TTN: variants seen among roughly 807,000 people sequenced by gnomAD.
TTN encodes titin, also known as connectin.
In TTN, 1,525 loss-of-function variants were observed where a neutral mutation model predicts 3,223.0. That is an observed-to-expected ratio of 0.47 (90% CI 0.45 to 0.49). The LOEUF is 0.49. Among genes scored for constraint, TTN ranks in the 20% least tolerant of loss-of-function variants. The probability of loss-of-function intolerance (pLI) is 0.00; values close to 1 mark genes in which losing one functional copy is unlikely to be tolerated. For missense variants in TTN, 40,786 were observed against 43,424.0 expected (o/e 0.94, Z 5.40); for synonymous variants, 14,094 against 15,161.0 (o/e 0.93, Z 5.17).
Position 178,589,372 on chromosome 2 carries a change from C to A in TTN, c.62353G>T (p.Asp20785Tyr). Residue 20785 changes from aspartate to tyrosine, a missense_variant, in exon 304 of 363, where the codon GAC becomes TAC. Coordinates refer to ENST00000589042, the MANE Select transcript of TTN (RefSeq NM_001267550.2). ...ACCCCTGCCTCAAGCCTAATGGTGT[C>A]CCCTGCTTTGACAGTTAGGACCCCA... ...LSGVLTVKAG[D>Y]TIRLEAGVRG... The A allele has an allele frequency of 6.2e-7, 1 of 1,613,416 alleles. No homozygotes were observed. The highest frequency in any genetic ancestry group is 8.5e-7 in the Non-Finnish European group (1 of 1,179,624).
intron 162 of TTN, 74 bp from the exon 163 acceptor site, chr2:178,666,975 G>T (rs770092605): frequency 7.4e-6 from 8 of 1,082,220 alleles, no homozygotes; most frequent in African/African-American, 3.2e-5. Context: ...AAGAAAGTTA[G>T]ATATGTTAAT....
At chr2:178,594,976 T>G (rs956240890) in intron 295 of TTN, among the ~76,000 whole-genome samples, 3 of 151,714 alleles carry the variant, frequency 2.0e-5, no homozygotes, top group Admixed American at 6.6e-5. Context: ...ATCTGTGAGG[T>G]ATAGATGGAA....
intron 282 of TTN, among the ~76,000 whole-genome samples, chr2:178,603,166 T>C (rs1208501025): frequency 6.6e-6 from 1 of 151,990 alleles, no homozygotes; most frequent in Non-Finnish European, 1.5e-5. Flanking sequence ...TATAGATCCT[T>C]GCACAAAGCA....
In TTN at chr2:178,563,676, T is replaced by G; in HGVS notation, c.82456A>C (p.Met27486Leu). 6.2e-7 allele frequency: 1 copy of G among 1,613,786 alleles called. No individual in the cohort carries two copies. The highest frequency in any genetic ancestry group is 1.1e-5 in the South Asian group (1 of 91,084). Residue 27486 changes from methionine (M) to leucine (L), a missense_variant, in exon 326 of 363, where the codon ATG (methionine) becomes CTG (leucine). Transcript: ENST00000589042. This position sits in a 1 kb window ranked among gnomAD's most constrained non-coding sequence, Gnocchi z 4.5. Reference protein sequence around the residue: ...PEVSAITKDSMVVTWARPVDD... With the variant: ...PEVSAITKDSLVVTWARPVDD... ...ACTGGGCGTGCCCATGTTACTACCATAGAATCTTTGGTGATTGCTGAGACT... is the reference window on the plus strand; with the variant it reads ...ACTGGGCGTGCCCATGTTACTACCAGAGAATCTTTGGTGATTGCTGAGACT...
chr2:178,806,072 ATCT>A (rs2094304521), intron 1 of TTN, among the ~76,000 whole-genome samples: 1 of 152,200 alleles, frequency 6.6e-6, no homozygotes, highest in Non-Finnish European at 1.5e-5. Context: ...TGGAGCAATA[ATCT>A]TCTTAGTGAT....
In TTN at chr2:178,579,273, T is replaced by G; in HGVS notation, c.67757A>C (p.Lys22586Thr). The G allele has an allele frequency of 1.2e-6, 2 of 1,613,354 alleles. No individual in the cohort carries two copies. Among genetic ancestry groups the G allele is most frequent in the Non-Finnish European group, 8.5e-7 (1 of 1,179,536 alleles). ...GTCAGTTGCTAGAGGATCTTCCCCTTTCTTCCAGGAGACTGATGGAGCTGG... is the reference window on the plus strand; with the variant it reads ...GTCAGTTGCTAGAGGATCTTCCCCTGTCTTCCAGGAGACTGATGGAGCTGG... ...GKPAPSVSWK[K>T]GEDPLATDTR... The change falls in exon 320 of 363, where the codon AAA (lysine) becomes ACA (threonine). Residue 22586 changes from lysine (K) to threonine (T), a missense_variant. Physicochemically the swap from Lys to Thr is moderately conservative, Grantham distance 78 (BLOSUM62 -1). Transcript: ENST00000589042.
intron 9 of TTN, 105 bp downstream of exon 9, chr2:178,793,298 TA>T (rs1164702981): frequency 3.4e-6 from 5 of 1,491,194 alleles, no homozygotes; most frequent in Non-Finnish European, 4.5e-6. Flanking sequence ...ATTAGTATGC[TA>T]ACAACCATGT....
At position 178,774,110 on chromosome 2, in the gene TTN, G is replaced by C; in HGVS notation, c.7058C>G (p.Pro2353Arg). Residue 2353 changes from proline (P) to arginine (R), a missense_variant and splice_region_variant, in exon 31 of 363, where the codon CCC becomes CGC. By Grantham distance (103) the Pro-to-Arg change is moderately radical. Transcript: ENST00000589042. ...KKTTCKLKMK[P>R]RPIAILQGLS... ...TCCTTGTAGGATAGCAATGGGGCGG[G>C]CTGTGAAATATGGGGAGAAAAAGAA... 1.2e-6 allele frequency: 2 copies of C among 1,614,062 alleles called. No homozygotes were observed. The highest frequency in any genetic ancestry group is 1.7e-6 in the Non-Finnish European group (2 of 1,179,978).
Position 178,626,084 on chromosome 2 carries a change from G to A in TTN, c.44425-688C>T, listed in dbSNP as rs144025145. Among the ~76,000 whole-genome samples the A allele has an allele frequency of 2.0e-3, 303 of 152,032 alleles. 5 individuals carry two copies. In the South Asian group the frequency reaches 0.024, roughly 12 times the overall value. On this transcript the variant is annotated intron_variant, in intron 240 of 362. Coordinates refer to ENST00000589042, the MANE Select transcript of TTN (RefSeq NM_001267550.2). ...ATATAAAGGAAGAACTTAGAAAAGC[G>A]AATTCATGAAAGGATGAAAGAAAAT...
Position 178,766,473 on chromosome 2 carries a change from C to T in TTN, c.9611G>A (p.Arg3204Gln), listed in dbSNP as rs775137389. Residue 3204 changes from arginine to glutamine, a missense_variant, in exon 41 of 363, where the codon CGA (arginine) becomes CAA (glutamine). By Grantham distance (43) the Arg-to-Gln change is conservative (BLOSUM62 1). Coordinates refer to ENST00000589042, the MANE Select transcript of TTN (RefSeq NM_001267550.2). The stretch of plus-strand genomic sequence containing the variant: ...CTGTCTGGTCTCAGAGATAAACATT[C>T]GGTGGATTCTTCTTTCCACTACATA... ...HKYVVERRIHRMFISETRQSD... is the reference protein window; with the variant it reads ...HKYVVERRIHQMFISETRQSD... 9.9e-6 allele frequency: 16 copies of T among 1,613,980 alleles called. No individual in the cohort carries two copies. In the East Asian group the frequency reaches 1.3e-4, roughly 13 times the overall value.
chr2:178,684,185 TA>T, intron 132 of TTN, 103 bp from the exon 133 acceptor site: 1 of 1,402,042 alleles, frequency 7.1e-7, no homozygotes, highest in Non-Finnish European at 9.9e-7. Context: ...ACATTTTCAT[TA>T]TTTCAAACAT....
In TTN at chr2:178,572,516, G is replaced by C. The variant is rs890303676; in HGVS notation, c.73616C>G (p.Thr24539Arg). 1.9e-6 allele frequency: 3 copies of C among 1,613,314 alleles called. No homozygotes were observed. The highest frequency in any genetic ancestry group is 2.5e-6 in the Non-Finnish European group (3 of 1,179,614). Reference sequence around the variant, plus strand: ...TCCATCAAGGAGAGGTGGGTCCCATGTGAGTGTGACAGATGTCTTAGTGAC... The same window carrying C: ...TCCATCAAGGAGAGGTGGGTCCCATCTGAGTGTGACAGATGTCTTAGTGAC... ...KEVTKTSVTL[T>R]WDPPLLDGGS... is the part of the protein sequence containing the mutation. Residue 24539 changes from threonine (T) to arginine (R), a missense_variant, in exon 326 of 363, where the codon ACA (threonine) becomes AGA (arginine). Thr to Arg is a moderately conservative substitution (Grantham distance 71). Coordinates refer to ENST00000589042, the MANE Select transcript of TTN (RefSeq NM_001267550.2).
rs760898464 is a variant in TTN, at chr2:178,590,603, T to A, written c.61122A>T (p.Pro20374=). 1 of 1,612,696 alleles carries A rather than the reference T, an allele frequency of 6.2e-7. No homozygotes were observed. Among genetic ancestry groups the A allele is most frequent in the East Asian group, 2.2e-5 (1 of 44,796 alleles). Residue 20374 remains proline, a synonymous_variant, in exon 304 of 363, where the codon CCA becomes CCT. Coordinates refer to ENST00000589042, the MANE Select transcript of TTN (RefSeq NM_001267550.2). Reference sequence around the variant, plus strand: ...TGTCTTTCAGTTTAGGATTAATAGGTGGTCCAGGTGGTTTGATGGGCCGGC... The same window carrying A: ...TGTCTTTCAGTTTAGGATTAATAGGAGGTCCAGGTGGTTTGATGGGCCGGC... The part of the protein sequence containing the change: ...KACRPIKPPG[P]PINPKLKDKS...
chr2:178,764,941 T>A (rs1235016630), intron 41 of TTN, 130 bp from the exon 42 acceptor site: 5 of 979,420 alleles, frequency 5.1e-6, no homozygotes, highest in African/African-American at 1.6e-5. Flanking sequence ...GTGGTATTTT[T>A]ACTTGCCTCA....
chr2:178,727,291 C>T lies in TTN; in HGVS notation c.20074G>A (p.Ala6692Thr), dbSNP rs757056558. 12 of 1,613,030 alleles carry T rather than the reference C, an allele frequency of 7.4e-6. No individual in the cohort carries two copies. The highest frequency in any genetic ancestry group is 7.6e-6 in the Non-Finnish European group (9 of 1,179,356). ...ACAACTCTGATTTCTGGGGATCCAG[C>T]TATCTTGCATTCAAGTCGTGAAGAG... is the stretch of plus-strand genomic sequence containing the variant. Reference protein sequence around the residue: ...GDSSRLECKIAGSPEIRVVWF... With the variant: ...GDSSRLECKITGSPEIRVVWF... The change falls in exon 69 of 363, where the codon GCT (alanine) becomes ACT (threonine). Residue 6692 changes from alanine to threonine, a missense_variant. By Grantham distance (58) the Ala-to-Thr change is moderately conservative. Coordinates refer to ENST00000589042, the MANE Select transcript of TTN (RefSeq NM_001267550.2).
chr2:178,738,370 G>T lies in TTN; in HGVS notation c.14093-10C>A. Reference sequence around the variant, plus strand: ...TTGATCACTGGGGCAGCTGCAAAGGGAAGTAGAGTCCATTAACATGCCTCC... The same window carrying T: ...TTGATCACTGGGGCAGCTGCAAAGGTAAGTAGAGTCCATTAACATGCCTCC... On this transcript the variant is annotated splice_polypyrimidine_tract_variant and intron_variant, in intron 48 of 362. Transcript: ENST00000589042. 1 of 1,605,014 alleles carries T rather than the reference G, an allele frequency of 6.2e-7. No homozygotes were observed. Among genetic ancestry groups the T allele is most frequent in the Non-Finnish European group, 8.5e-7 (1 of 1,174,456 alleles).
rs373073929 is a variant in TTN, at chr2:178,531,304, A to G, written c.105311T>C (p.Met35104Thr). The change falls in exon 358 of 363, where the codon ATG becomes ACG. Residue 35104 changes from methionine (M) to threonine (T), a missense_variant. Met to Thr is a moderately conservative substitution (Grantham distance 81, BLOSUM62 -1). Transcript: ENST00000589042. ...CTTTTCTTCTAATGCAGCACTTTTC[A>G]TTTCTGCAGATGCAGAGTGTTCATA... is the stretch of plus-strand genomic sequence containing the variant. The part of the protein sequence containing the change: ...SSYEHSASAE[M>T]KSAALEEKSL... The G allele has an allele frequency of 1.2e-6, 2 of 1,613,772 alleles. No individual in the cohort carries two copies. Among genetic ancestry groups the G allele is most frequent in the Admixed American group, 1.7e-5 (1 of 59,994 alleles).
rs368158748 is a variant in TTN, at chr2:178,621,711, G to A, written c.45113C>T (p.Ala15038Val). The A allele has an allele frequency of 2.5e-6, 4 of 1,611,456 alleles. No homozygotes were observed. The highest frequency in any genetic ancestry group is 2.7e-5 in the African/African-American group (2 of 74,760). ...GTCTGTTTCACTAACTTCAATGTTG[G>A]CAAGATTTTTGGTAAAGACAGCTTC... is the stretch of plus-strand genomic sequence containing the variant. Reference protein sequence around the residue: ...EEEAVFTKNLANIEVSETDTI... With the variant: ...EEEAVFTKNLVNIEVSETDTI... The change falls in exon 245 of 363, where the codon GCC (alanine) becomes GTC (valine). Residue 15038 changes from alanine to valine, a missense_variant. Coordinates refer to ENST00000589042, the MANE Select transcript of TTN (RefSeq NM_001267550.2).
In TTN at chr2:178,599,791, T is replaced by G. The variant is rs2052786840; in HGVS notation, c.56110A>C (p.Ile18704Leu). Residue 18704 changes from isoleucine to leucine, a missense_variant, in exon 289 of 363, where the codon ATT (isoleucine) becomes CTT (leucine). By Grantham distance (5) the Ile-to-Leu change is conservative (BLOSUM62 2). Coordinates refer to ENST00000589042, the MANE Select transcript of TTN (RefSeq NM_001267550.2). ...MEVEEGTNVNIVAKIKGVPFP... is the reference protein window; with the variant it reads ...MEVEEGTNVNLVAKIKGVPFP... The stretch of plus-strand genomic sequence containing the variant: ...GGCACACCTTTAATTTTGGCCACAA[T>G]GTTAACATTGGTTCCTTCTTCAACC... 6.2e-7 allele frequency: 1 copy of G among 1,610,688 alleles called. No individual in the cohort carries two copies. Among genetic ancestry groups the G allele is most frequent in the Non-Finnish European group, 8.5e-7 (1 of 1,178,564 alleles).
Sources: allele counts gnomAD v4.1 joint callset (sites outside exome capture counted in the v4.1 genomes callset), GRCh38; gene constraint gnomAD v4.1.1; non-coding constraint Gnocchi (gnomAD v3.1); transcripts MANE v1.5; gene names NCBI Gene and HGNC (gene_info 2026-07-23, HGNC 2026-07-21).